NAAA: variants seen among roughly 807,000 people sequenced by gnomAD.
NAAA encodes the protein N-acylethanolamine-hydrolyzing acid amidase.
Under a neutral mutation model 44.8 loss-of-function variants are expected in NAAA, and 39 were observed. The ratio of observed to expected loss-of-function variants is 0.87; its 90% CI spans 0.67 to 1.14. The LOEUF (loss-of-function observed/expected upper bound fraction) is 1.14, where lower values mean the gene tolerates loss of function less well. NAAA is among the 50% of genes most tolerant of loss of function. The pLI, the probability that NAAA is intolerant of heterozygous loss-of-function variation, is 0.00. For synonymous variants in NAAA, 178 were observed against 191.3 expected, an observed-to-expected ratio of 0.93 and a Z score of 0.58; for missense variants, 460 against 467.8, an observed-to-expected ratio of 0.98 and a Z score of 0.15.
Position 75,913,829 on chromosome 4 carries a change from CATT to C in NAAA, c.*543_*545del, listed in dbSNP as rs2149238529. The C allele has an allele frequency of 1.0e-6, 1 of 985,152 alleles. No individual in the cohort carries two copies. The highest frequency in any genetic ancestry group is 1.7e-5 in the African/African-American group (1 of 57,318). The allele number at this position is 985,152 out of a possible 1,614,324, so 61.0% of individuals were successfully genotyped here. On this transcript the variant is annotated 3_prime_UTR_variant, in exon 11 of 11. Coordinates refer to ENST00000286733, the MANE Select transcript of NAAA (RefSeq NM_014435.4). ...AGGTTTTTCAATAAAACGTTAGAAA[CATT>C]ATAAAAAACGAGACTCCCATTACAT... is the stretch of plus-strand genomic sequence containing the variant.
In NAAA at chr4:75,920,746, A is replaced by G. The variant is rs1175919988; in HGVS notation, c.894T>C (p.Asp298=). Residue 298 remains aspartate, a synonymous_variant, in exon 7 of 11, where the codon GAT becomes GAC. Coordinates refer to ENST00000286733, the MANE Select transcript of NAAA (RefSeq NM_014435.4). ...AGCACGTAGCAGCCTACCTCCGGTC[A>G]TCTTCCTTGGGTGCTGGCTTCCAGT... is the stretch of plus-strand genomic sequence containing the variant. The part of the protein sequence containing the change: ...YDHWKPAPKE[D]DRRTSAIKAL... The G allele has an allele frequency of 4.3e-6, 7 of 1,614,230 alleles. No homozygotes were observed. The highest frequency in any genetic ancestry group is 3.3e-5 in the Admixed American group (2 of 60,012).
downstream of NAAA, among the ~76,000 whole-genome samples, chr4:75,911,569 T>G (rs1035812368): frequency 1.3e-5 from 2 of 152,186 alleles, no homozygotes; most frequent in Non-Finnish European, 2.9e-5. Context: ...ACAGTCTTTA[T>G]GCACTGAGTA....
intron 9 of NAAA, among the ~76,000 whole-genome samples, chr4:75,915,680 C>T (rs1007565174): frequency 3.3e-5 from 5 of 152,162 alleles, no homozygotes; most frequent in Admixed American, 2.0e-4. Context: ...CCAGCAGATT[C>T]CTTACACCAT....
chr4:75,921,509 G>C (rs1472743792), intron 5 of NAAA, among the ~76,000 whole-genome samples: 1 of 152,196 alleles, frequency 6.6e-6, no homozygotes, highest in Non-Finnish European at 1.5e-5. Flanking sequence ...GTGGGGGATA[G>C]AGCAGTGAAT....
intron 9 of NAAA, among the ~76,000 whole-genome samples, chr4:75,916,778 C>CT (rs35739236): frequency 0.37 from 28,769 of 76,966 alleles, 8,138 homozygotes; most frequent in East Asian, 0.79. Context: ...TTCATCACTT[C>CT]TTTTTTTTTT....
Position 75,921,220 on chromosome 4 carries a change from T to C in NAAA, c.667-97A>G, listed in dbSNP as rs1194721578. 2.6e-6 allele frequency: 3 copies of C among 1,135,900 alleles called. No individual in the cohort carries two copies. The African/African-American group carries it at 4.8e-5, about 18-fold the overall frequency. 70.4% of individuals were successfully genotyped at this position (1,135,900 alleles called of 1,614,324 possible). Reference sequence around the variant, plus strand: ...ATCCAAAGCACATTCTCCTGATATGTTATGTCATGACTATCACCTTGATCT... The same window carrying C: ...ATCCAAAGCACATTCTCCTGATATGCTATGTCATGACTATCACCTTGATCT... On this transcript the variant is annotated intron_variant, in intron 5 of 10. Coordinates refer to ENST00000286733, the MANE Select transcript of NAAA (RefSeq NM_014435.4).
At chr4:75,936,886 T>C (rs1727769323) in intron 2 of NAAA, among the ~76,000 whole-genome samples, 1 of 152,196 alleles carries the variant, frequency 6.6e-6, no homozygotes, top group African/African-American at 2.4e-5. Context: ...TATTTAACTG[T>C]ACATGAAAAA....
At chr4:75,924,618 G>GT (rs1294280708) in intron 5 of NAAA, among the ~76,000 whole-genome samples, 27 of 152,168 alleles carry the variant, frequency 1.8e-4, no homozygotes, top group African/African-American at 6.0e-4. Flanking sequence ...TGCTTTGCTA[G>GT]TTTGGATATT....
In NAAA at chr4:75,925,824, GTATATATGT is replaced by G; in HGVS notation, c.590-22_590-14del. The G allele has an allele frequency of 6.2e-7, 1 of 1,612,924 alleles. No individual in the cohort carries two copies. The highest frequency in any genetic ancestry group is 8.5e-7 in the Non-Finnish European group (1 of 1,178,970). ...CACCAGCCTTTATCTGCCAAGTTGA[GTATATATGT>G]TATATATGTGTGTGTATATATGTAC... On this transcript the variant is annotated splice_polypyrimidine_tract_variant and intron_variant, in intron 4 of 10. Transcript: ENST00000286733.
chr4:75,916,500 A>G (rs1239690573), intron 9 of NAAA: 1 of 152,222 alleles, frequency 6.6e-6, no homozygotes, highest in African/African-American at 2.4e-5. Flanking sequence ...AACATTCATA[A>G]CTGTTAACTC....
At chr4:75,921,465 C>T (rs1390571295) in intron 5 of NAAA, among the ~76,000 whole-genome samples, 1 of 152,134 alleles carries the variant, frequency 6.6e-6, no homozygotes, top group Non-Finnish European at 1.5e-5. Context: ...ACAGGGTTTT[C>T]TTGAATATCT....
intron 5 of NAAA, 80 bp downstream of exon 5, chr4:75,925,655 A>C: frequency 7.3e-7 from 1 of 1,371,498 alleles, no homozygotes; most frequent in Non-Finnish European, 1.0e-6. Flanking sequence ...CTTACATTAA[A>C]AGCAACATTG....
rs2149278001 is a variant in NAAA, at chr4:75,933,154, T to C, written c.499-1850A>G. On this transcript the variant is annotated intron_variant, in intron 3 of 10. Coordinates refer to ENST00000286733, the MANE Select transcript of NAAA (RefSeq NM_014435.4). ...TCTCAAAAAAAAAAAAAAAAAGTAC[T>C]TAAAACAGTATCTGACTCATACTGT... Among the ~76,000 whole-genome samples, 2 of 145,516 alleles carry C rather than the reference T, an allele frequency of 1.4e-5. 1 individual carries two copies. The highest frequency in any genetic ancestry group is 4.4e-4 in the South Asian group (2 of 4,516).
intron 3 of NAAA, among the ~76,000 whole-genome samples, chr4:75,932,255 C>A (rs1727295877): frequency 6.6e-6 from 1 of 152,078 alleles, no homozygotes; most frequent in African/African-American, 2.4e-5. Flanking sequence ...TAAAATAAAA[C>A]TTGTTTTGAT....
intron 3 of NAAA, among the ~76,000 whole-genome samples, chr4:75,933,121 A>G (rs1727387910): frequency 7.7e-6 from 1 of 130,456 alleles, no homozygotes; most frequent in Admixed American, 7.9e-5. Flanking sequence ...TGACAGAACA[A>G]GACTCTGTCT....
At chr4:75,911,100 T>C (rs1725306985), downstream of NAAA, among the ~76,000 whole-genome samples, 1 of 151,800 alleles carries the variant, frequency 6.6e-6, no homozygotes, top group African/African-American at 2.4e-5. Context: ...GGCGGGGGAA[T>C]ATCACAAAGT....
Position 75,916,778 on chromosome 4 carries a change from C to CTTTTTTTT in NAAA, c.999-1801_999-1794dup, listed in dbSNP as rs35739236. ...TTTTTAAAAGATATATTCATCACTT[C>CTTTTTTTT]TTTTTTTTTTTTTTTTTTTTTTTTT... On this transcript the variant is annotated intron_variant, in intron 9 of 10. Transcript: ENST00000286733. Among the ~76,000 whole-genome samples, 7 of 76,936 alleles carry CTTTTTTTT rather than the reference C, an allele frequency of 9.1e-5. 1 individual carries two copies. The highest frequency in any genetic ancestry group is 3.3e-4 in the African/African-American group (7 of 21,124). The allele number at this position is 76,936 out of a possible 152,430, so 50.5% of individuals were successfully genotyped here. A position where few individuals can be genotyped will look rare whatever the true frequency, so the allele number is the denominator to read the frequency against.
At chr4:75,912,292 C>T (rs1408713086), downstream of NAAA, among the ~76,000 whole-genome samples, 2 of 152,164 alleles carry the variant, frequency 1.3e-5, no homozygotes, top group Non-Finnish European at 2.9e-5. Context: ...CGGTGGCTCA[C>T]GCCTGTAATC....
intron 5 of NAAA, 41 bp downstream of exon 5, chr4:75,925,694 G>A (rs1333430462): frequency 6.4e-6 from 10 of 1,557,914 alleles, no homozygotes; most frequent in African/African-American, 2.7e-5. Flanking sequence ...TTTAGAAGGT[G>A]GAGGTGGAGT....
Sources: gnomAD v4.1 joint callset for allele counts (sites outside exome capture counted in the v4.1 genomes callset) on GRCh38, gnomAD v4.1.1 for gene constraint, MANE v1.5 for transcripts, NCBI Gene and HGNC (gene_info 2026-07-23, HGNC 2026-07-21) for gene names.